Variants in LRRIQ1 observed in about 807,000 individuals in gnomAD.
LRRIQ1 encodes leucine rich repeats and IQ motif containing 1.
A neutral mutation model predicts 211.9 loss-of-function variants in LRRIQ1; 210 were observed. That is an observed-to-expected ratio of 0.99 (90% CI 0.89 to 1.11). LRRIQ1 has a LOEUF of 1.11. Ranked by LOEUF, LRRIQ1 falls within the 50% of genes most tolerant of loss-of-function variation. The pLI is 0.00. For synonymous variants in LRRIQ1, 699 were observed against 650.1 expected (o/e 1.08, Z -1.14); for missense variants, 2,136 against 1,939.5 (o/e 1.10, Z -1.90).
At chr12:85,081,552 A>G (rs957829351) in intron 11 of LRRIQ1, among the ~76,000 whole-genome samples, 2 of 151,978 alleles carry the variant, frequency 1.3e-5, no homozygotes, top group African/African-American at 2.4e-5. Context: ...CACTTAATTT[A>G]TCTCAAATTA....
intron 9 of LRRIQ1, among the ~76,000 whole-genome samples, chr12:85,066,149 G>A (rs1882404775): frequency 6.6e-6 from 1 of 151,810 alleles, no homozygotes; most frequent in African/African-American, 2.4e-5. Flanking sequence ...CTATCCTCTG[G>A]CTTATAATGA....
chr12:85,198,493 A>G (rs1389437913), intron 24 of LRRIQ1, among the ~76,000 whole-genome samples: 1 of 151,902 alleles, frequency 6.6e-6, no homozygotes, highest in Non-Finnish European at 1.5e-5. Flanking sequence ...ACTTTTTATT[A>G]ATAGCCATTC....
At chr12:85,203,526 G>A (rs929662818) in intron 24 of LRRIQ1, among the ~76,000 whole-genome samples, 1 of 152,108 alleles carries the variant, frequency 6.6e-6, no homozygotes, top group African/African-American at 2.4e-5. Context: ...ACTGTTGAGT[G>A]GCTTTGCCCA....
chr12:85,117,070 C>CA (rs1887636319), intron 15 of LRRIQ1, among the ~76,000 whole-genome samples: 1 of 152,142 alleles, frequency 6.6e-6, no homozygotes, highest in Non-Finnish European at 1.5e-5. Context: ...ACAACTGATA[C>CA]AGTAGTTCAT....
chr12:85,263,316 A>G (rs902630180), exon 2 of LRRIQ1: 2 of 152,462 alleles, frequency 1.3e-5, no homozygotes, highest in South Asian at 2.1e-4. Flanking sequence ...TTGCATATCC[A>G]GTTTTTTTAG....
chr12:85,209,858 G>A (rs1385974840), intron 24 of LRRIQ1, among the ~76,000 whole-genome samples: 1 of 151,842 alleles, frequency 6.6e-6, no homozygotes, highest in Non-Finnish European at 1.5e-5. Flanking sequence ...CTAAAATTTT[G>A]AGCTTATGTA....
At chr12:85,252,855 T>C (rs1279001276) in intron 1 of LRRIQ1, among the ~76,000 whole-genome samples, 3 of 151,976 alleles carry the variant, frequency 2.0e-5, no homozygotes, top group Admixed American at 6.6e-5. Flanking sequence ...TATTGAGCAC[T>C]ATCATATATT....
At chr12:85,163,986 G>A (rs1452222430) in intron 24 of LRRIQ1, among the ~76,000 whole-genome samples, 1 of 152,068 alleles carries the variant, frequency 6.6e-6, no homozygotes, top group Non-Finnish European at 1.5e-5. Flanking sequence ...TTTCCTATGA[G>A]ACAAGTCTGA....
Position 85,127,920 on chromosome 12 carries a change from A to G in LRRIQ1, c.4096A>G (p.Thr1366Ala), listed in dbSNP as rs758076347. 6.2e-7 allele frequency: 1 copy of G among 1,614,092 alleles called. No individual in the cohort carries two copies. The highest frequency in any genetic ancestry group is 8.5e-7 in the Non-Finnish European group (1 of 1,179,984). The stretch of plus-strand genomic sequence containing the variant: ...CTCCACAAGGCTACATACTGCTGCA[A>G]CAGAAGGCCTGCCAAATTCTTCCAT... ...HFSTRLHTAA[T>A]EGLPNSSIKN... The change falls in exon 18 of 27, where the codon ACA (threonine) becomes GCA (alanine). Residue 1366 changes from threonine to alanine, a missense_variant. Physicochemically the swap from Thr to Ala is moderately conservative, Grantham distance 58. Transcript: ENST00000393217.
intron 1 of LRRIQ1, among the ~76,000 whole-genome samples, chr12:85,251,528 G>T (rs781709162): frequency 6.6e-6 from 1 of 151,870 alleles, no homozygotes; most frequent in African/African-American, 2.4e-5. Context: ...GTCCTTGTTG[G>T]CTCTTTCCTA....
chr12:85,225,561 G>T (rs1004432483), intron 24 of LRRIQ1, among the ~76,000 whole-genome samples: 1 of 152,114 alleles, frequency 6.6e-6, no homozygotes, highest in Non-Finnish European at 1.5e-5. Context: ...GTTGTGTTTT[G>T]AAGTAAAAAG....
intron 11 of LRRIQ1, among the ~76,000 whole-genome samples, chr12:85,090,045 G>A (rs359985): frequency 0.017 from 2,535 of 152,288 alleles, 68 homozygotes; most frequent in African/African-American, 0.058. Context: ...CCCACATCCC[G>A]GCTGCTCTAG....
intron 15 of LRRIQ1, 118 bp downstream of exon 15, chr12:85,106,733 G>T: frequency 2.8e-6 from 2 of 701,854 alleles, no homozygotes; most frequent in Non-Finnish European, 2.3e-6. Context: ...AAAATTAAAA[G>T]TCATTTTAAA....
intron 26 of LRRIQ1, among the ~76,000 whole-genome samples, chr12:85,234,231 T>C (rs1394490989): frequency 1.3e-5 from 2 of 152,082 alleles, no homozygotes; most frequent in Non-Finnish European, 2.9e-5. Context: ...AGTGAGACTC[T>C]CTTTCAAAAA....
rs1379170728 is a variant in LRRIQ1 at position 85,229,613 on chromosome 12, G to A, written c.4919G>A (p.Gly1640Glu). Residue 1640 changes from glycine (G) to glutamate (E), a missense_variant, in exon 25 of 27, where the codon GGG (glycine) becomes GAG (glutamate). Transcript: ENST00000393217. ...TACCAATGGCTTCACACACAGGTTG[G>A]GGTTCATGAAACGACTAGTTCCAGA... ...YTYQWLHTQV[G>E]VHETTSSRNM... The A allele has an allele frequency of 1.9e-6, 3 of 1,612,042 alleles. No homozygotes were observed. The highest frequency in any genetic ancestry group is 2.2e-5 in the East Asian group (1 of 44,824).
chr12:85,137,641 G>T (rs559805161), intron 18 of LRRIQ1, among the ~76,000 whole-genome samples: 1 of 151,620 alleles, frequency 6.6e-6, no homozygotes, highest in South Asian at 2.1e-4. Flanking sequence ...CTTACTACAA[G>T]GAAAGTCTCC....
At chr12:85,204,596 G>T (rs1162576422) in intron 24 of LRRIQ1, among the ~76,000 whole-genome samples, 1 of 152,182 alleles carries the variant, frequency 6.6e-6, no homozygotes, top group South Asian at 2.1e-4. Flanking sequence ...TGTGAGAAAT[G>T]GAGTCAAAGG....
chr12:85,167,540 A>G (rs1565880877), intron 24 of LRRIQ1, among the ~76,000 whole-genome samples: 3 of 152,202 alleles, frequency 2.0e-5, no homozygotes. Context: ...GGAAGCATTC[A>G]GCATGGGAGA....
At chr12:85,257,456 G>A (rs1030620851) in intron 1 of LRRIQ1, among the ~76,000 whole-genome samples, 3 of 150,934 alleles carry the variant, frequency 2.0e-5, no homozygotes, top group Non-Finnish European at 3.0e-5. Context: ...CTGATTTTCA[G>A]AATTCCTTTT....
Sources: allele counts gnomAD v4.1 joint callset (sites outside exome capture counted in the v4.1 genomes callset), GRCh38; gene constraint gnomAD v4.1.1; transcripts MANE v1.5; gene names NCBI Gene and HGNC (gene_info 2026-07-23, HGNC 2026-07-21).